The following KIF1C variants were observed in gnomAD, a reference collection of about 807,000 sequenced individuals.
The protein encoded by KIF1C is kinesin-like protein KIF1C.
Under a neutral mutation model 126.5 loss-of-function variants are expected in KIF1C, and 61 were observed. That is an observed-to-expected ratio of 0.48 (90% CI 0.39 to 0.60). The LOEUF (loss-of-function observed/expected upper bound fraction) is 0.60. KIF1C is among the 20% of genes least tolerant of loss of function. The pLI is 0.00. For synonymous variants in KIF1C, 640 were observed against 580.6 expected (o/e 1.10, Z -1.47); for missense variants, 1,315 against 1,489.2 (o/e 0.88, Z 1.93).
chr17:5,021,169 G>GTTTTTTTTTT (rs765920431), intron 21 of KIF1C, among the ~76,000 whole-genome samples: 1 of 77,370 alleles, frequency 1.3e-5, no homozygotes, highest in Admixed American at 1.9e-4. Context: ...GATTGTTGTG[G>GTTTTTTTTTT]TTTTTTTTTT....
At position 5,020,060 on chromosome 17, in the gene KIF1C, G is replaced by T. The variant is rs770419005; in HGVS notation, c.1731G>T (p.Glu577Asp). ...ETYVNGKLVT[E>D]PLVLKSGNRI... ...ATGTGAATGGGAAGCTTGTGACGGA[G>T]CCGCTGGTGCTGAAGTCAGGTAGAA... The change falls in exon 19 of 23, where the codon GAG (glutamate) becomes GAT (aspartate). Residue 577 changes from glutamate (E) to aspartate (D), a missense_variant. By Grantham distance (45) the Glu-to-Asp change is conservative. Coordinates refer to ENST00000320785, the MANE Select transcript of KIF1C (RefSeq NM_006612.6). The surrounding 1 kb of genome is among the most constrained non-coding windows in gnomAD (Gnocchi z 5.8). 6.3e-7 allele frequency: 1 copy of T among 1,596,666 alleles called. No individual in the cohort carries two copies. Among genetic ancestry groups the T allele is most frequent in the Admixed American group, 1.7e-5 (1 of 57,274 alleles).
Position 5,023,960 on chromosome 17 carries a change from C to G in KIF1C, c.3121C>G (p.Arg1041Gly), listed in dbSNP as rs200388087. The G allele has an allele frequency of 6.3e-7, 1 of 1,579,048 alleles. No homozygotes were observed. The highest frequency in any genetic ancestry group is 1.8e-5 in the Admixed American group (1 of 54,188). ...CTCCCTGGATGGAGGGGGCCGATCC[C>G]GGGGAGCGGGTTCTGCACAGCCTGA... The part of the protein sequence containing the change: ...RNSLDGGGRS[R>G]GAGSAQPEPQ... Residue 1041 changes from arginine (R) to glycine (G), a missense_variant, in exon 23 of 23, where the codon CGG (arginine) becomes GGG (glycine). Physicochemically the swap from Arg to Gly is moderately radical, Grantham distance 125. Coordinates refer to ENST00000320785, the MANE Select transcript of KIF1C (RefSeq NM_006612.6). This position sits in a 1 kb window ranked among gnomAD's most constrained non-coding sequence, Gnocchi z 4.2.
Position 5,023,987 on chromosome 17 carries a change from C to A in KIF1C, c.3148C>A (p.Pro1050Thr), listed in dbSNP as rs1404147812. The A allele has an allele frequency of 1.3e-6, 2 of 1,598,888 alleles. No individual in the cohort carries two copies. The highest frequency in any genetic ancestry group is 2.3e-5 in the East Asian group (1 of 44,390). The change falls in exon 23 of 23, where the codon CCC becomes ACC. Residue 1050 changes from proline to threonine, a missense_variant. By Grantham distance (38) the Pro-to-Thr change is conservative (BLOSUM62 -1). Around this residue, in one of 2 missense-constraint regions of KIF1C, gnomAD observed 441 missense variants for 436.1 expected, o/e 1.01. Transcript: ENST00000320785. This position sits in a 1 kb window ranked among gnomAD's most constrained non-coding sequence, Gnocchi z 4.2. ...GGGAGCGGGTTCTGCACAGCCTGAACCCCAGCACTTCCAGCCCAAAAAGCA... is the reference window on the plus strand; with the variant it reads ...GGGAGCGGGTTCTGCACAGCCTGAAACCCAGCACTTCCAGCCCAAAAAGCA... ...SRGAGSAQPE[P>T]QHFQPKKHNS...
In KIF1C at chr17:5,000,760, C is replaced by G; in HGVS notation, c.107-12C>G. 6.2e-7 allele frequency: 1 copy of G among 1,613,718 alleles called. No homozygotes were observed. Among genetic ancestry groups the G allele is most frequent in the Non-Finnish European group, 8.5e-7 (1 of 1,179,702 alleles). ...CTTGACTTTCCTTCCTTTACCCTCTCCTGCCCCTCAGCCATCATCAATCCT... is the reference window on the plus strand; with the variant it reads ...CTTGACTTTCCTTCCTTTACCCTCTGCTGCCCCTCAGCCATCATCAATCCT... On this transcript the variant is annotated splice_polypyrimidine_tract_variant and intron_variant, in intron 3 of 22. Coordinates refer to ENST00000320785, the MANE Select transcript of KIF1C (RefSeq NM_006612.6).
Position 5,020,217 on chromosome 17 carries a change from G to A in KIF1C, c.1750+138G>A. The stretch of plus-strand genomic sequence containing the variant: ...AGCACGGGGATATAAAGAAGGAACT[G>A]GGAAGTGAAGGTCAAGGAGTCAGGT... On this transcript the variant is annotated intron_variant, in intron 19 of 22. Transcript: ENST00000320785. This position sits in a 1 kb window ranked among gnomAD's most constrained non-coding sequence, Gnocchi z 5.8. 2.7e-6 allele frequency: 2 copies of A among 742,552 alleles called. No homozygotes were observed. The highest frequency in any genetic ancestry group is 4.7e-6 in the Non-Finnish European group (2 of 425,972). The allele number at this position is 742,552 out of a possible 1,614,324, so 46.0% of individuals were successfully genotyped here.
At chr17:5,011,135 A>C (rs1255616434) in intron 16 of KIF1C, among the ~76,000 whole-genome samples, 1 of 152,212 alleles carries the variant, frequency 6.6e-6, no homozygotes, top group Non-Finnish European at 1.5e-5. Context: ...CATTTTTCTC[A>C]AGGTGGTGAG....
chr17:5,019,409 G>T (rs1463373284), intron 18 of KIF1C: 1 of 168,440 alleles, frequency 5.9e-6, no homozygotes, highest in East Asian at 1.9e-4. Context: ...CGAGGACAGG[G>T]AGCTGCCTCG....
chr17:5,002,192 A>G, intron 6 of KIF1C, 68 bp downstream of exon 6: 3 of 1,421,338 alleles, frequency 2.1e-6, no homozygotes, highest in Admixed American at 3.4e-5. Flanking sequence ...CTGGAATCAG[A>G]CAGCCTGGGA....
intron 1 of KIF1C, among the ~76,000 whole-genome samples, chr17:4,998,780 G>T (rs1974471523): frequency 6.6e-6 from 1 of 152,014 alleles, no homozygotes; most frequent in African/African-American, 2.4e-5. Flanking sequence ...CAGGAGTTTG[G>T]GGTCCACTGG....
intron 18 of KIF1C, among the ~76,000 whole-genome samples, chr17:5,017,079 T>C (rs1425324170): frequency 6.6e-6 from 1 of 152,120 alleles, no homozygotes; most frequent in Admixed American, 6.6e-5. Flanking sequence ...GTTCCTGTTC[T>C]GCGGCAACCT....
Position 5,022,268 on chromosome 17 carries a change from C to T in KIF1C, c.2187C>T (p.Pro729=), listed in dbSNP as rs1200655580. Residue 729 remains proline (P), a synonymous_variant, in exon 22 of 23, where the codon CCC becomes CCT. Transcript: ENST00000320785. The surrounding 1 kb of genome is among the most constrained non-coding windows in gnomAD (Gnocchi z 4.9). ...RRAPRRVYQI[P]QRRRLQGKDP... is the part of the protein sequence containing the mutation. ...CCCCTCGCAGGGTTTATCAGATCCC[C>T]CAGCGACGCAGGCTGCAGGGCAAAG... is the stretch of plus-strand genomic sequence containing the variant. 11 of 1,613,978 alleles carry T rather than the reference C, an allele frequency of 6.8e-6. No individual in the cohort carries two copies. Among genetic ancestry groups the T allele is most frequent in the Non-Finnish European group, 9.3e-6 (11 of 1,180,020 alleles).
chr17:4,998,812 A>G (rs1974473914), intron 1 of KIF1C, among the ~76,000 whole-genome samples: 1 of 152,002 alleles, frequency 6.6e-6, no homozygotes, highest in Non-Finnish European at 1.5e-5. Flanking sequence ...GGGGCTCCGC[A>G]TCCCTTATCC....
intron 18 of KIF1C, among the ~76,000 whole-genome samples, chr17:5,018,946 G>A (rs1975034450): frequency 6.6e-6 from 1 of 151,964 alleles, no homozygotes; most frequent in Non-Finnish European, 1.5e-5. Context: ...AGAAAAGGTG[G>A]GGATAGATGG....
At chr17:5,009,485 G>A (rs1489621227) in intron 16 of KIF1C, among the ~76,000 whole-genome samples, 1 of 151,632 alleles carries the variant, frequency 6.6e-6, no homozygotes, top group Non-Finnish European at 1.5e-5. Context: ...GCCCATTATG[G>A]GTTCTTACTA....
intron 18 of KIF1C, among the ~76,000 whole-genome samples, chr17:5,015,439 A>G (rs1597857444): frequency 6.6e-6 from 1 of 151,684 alleles, no homozygotes; most frequent in Admixed American, 6.6e-5. Flanking sequence ...ATGTGCCACC[A>G]TGCCTGGCTA....
chr17:5,002,399 A>T, intron 6 of KIF1C, 65 bp from the exon 7 acceptor site: 1 of 1,433,534 alleles, frequency 7.0e-7, no homozygotes, highest in Non-Finnish European at 9.6e-7. Context: ...CAGTGGAGTC[A>T]GATTAAGTTG....
rs370547637 is a variant in KIF1C, at chr17:5,020,682, C to T, written c.1937+4C>T. ...TAAAGCTGGAAATGGAGAAGAGGTG[C>T]GAGGGGGTTACCCACGTGCCCCATG... On this transcript the variant is annotated splice_donor_region_variant and intron_variant, in intron 20 of 22. Coordinates refer to ENST00000320785, the MANE Select transcript of KIF1C (RefSeq NM_006612.6). This position sits in a 1 kb window ranked among gnomAD's most constrained non-coding sequence, Gnocchi z 5.8. 1.1e-5 allele frequency: 18 copies of T among 1,612,866 alleles called. No individual in the cohort carries two copies. In the African/African-American group the frequency reaches 1.9e-4, roughly 17 times the overall value.
rs755320805 is a variant in KIF1C, at chr17:5,002,053, C to G, written c.364-6C>G. ...CTTCTCTGTATTTCCCTGTGTCCCC[C>G]TCCAGCTCTGTGAGGACCTCTTCTC... On this transcript the variant is annotated splice_region_variant and splice_polypyrimidine_tract_variant and intron_variant, in intron 5 of 22. Transcript: ENST00000320785. 1 of 1,613,872 alleles carries G rather than the reference C, an allele frequency of 6.2e-7. No homozygotes were observed. Among genetic ancestry groups the G allele is most frequent in the Non-Finnish European group, 8.5e-7 (1 of 1,179,750 alleles).
rs1975153409 is a variant in KIF1C, at chr17:5,024,034, C to G, written c.3195C>G (p.Pro1065=). 2 of 1,592,710 alleles carry G rather than the reference C, an allele frequency of 1.3e-6. No homozygotes were observed. Among genetic ancestry groups the G allele is most frequent in the Admixed American group, 3.5e-5 (2 of 57,118 alleles). ...AGCACAACTCTTATCCCCAGCCACC[C>G]CAACCCTACCCAGCCCAGCGGCCCC... The part of the protein sequence containing the change: ...PKKHNSYPQP[P]QPYPAQRPPG... Residue 1065 remains proline, a synonymous_variant, in exon 23 of 23, where the codon CCC becomes CCG. Transcript: ENST00000320785.
Sources: allele counts gnomAD v4.1 joint callset (sites outside exome capture counted in the v4.1 genomes callset), GRCh38; gene constraint gnomAD v4.1.1; regional missense constraint gnomAD v4.1.1; non-coding constraint Gnocchi (gnomAD v3.1); transcripts MANE v1.5; gene names NCBI Gene and HGNC (gene_info 2026-07-23, HGNC 2026-07-21).